PLEKHG7: variants seen among roughly 807,000 people sequenced by gnomAD.
PLEKHG7 encodes pleckstrin homology and RhoGEF domain containing G7, also known as pleckstrin homology domain-containing family G member 7.
PLEKHG7 carries 77 observed loss-of-function variants against 85.2 expected under a neutral mutation model. The ratio of observed to expected loss-of-function variants is 0.90; its 90% confidence interval spans 0.75 to 1.09. The LOEUF (loss-of-function observed/expected upper bound fraction) is 1.09, where lower values mean the gene tolerates loss of function less well. Ranked by LOEUF, PLEKHG7 falls within the 50% of genes least tolerant of loss-of-function variation. PLEKHG7 has a pLI of 0.00. For missense variants in PLEKHG7, 777 were observed against 804.3 expected (o/e 0.97, Z 0.41); for synonymous variants, 301 against 302.4 (o/e 1.00, Z 0.05).
chr12:92,709,550 G>A (rs1455939426), intron 3 of PLEKHG7, among the ~76,000 whole-genome samples: 1 of 152,184 alleles, frequency 6.6e-6, no homozygotes, highest in African/African-American at 2.4e-5. Flanking sequence ...GTATATTTGT[G>A]AGTCTTAAAT....
chr12:92,763,878 T>G (rs1055644680), intron 14 of PLEKHG7, among the ~76,000 whole-genome samples, 163 bp from the exon 15 acceptor site: 2 of 152,114 alleles, frequency 1.3e-5, no homozygotes, highest in Admixed American at 6.5e-5. Context: ...TCACTATGCT[T>G]TGGGGAAATG....
intron 12 of PLEKHG7, 88 bp downstream of exon 12, chr12:92,756,028 C>A: frequency 1.1e-6 from 1 of 888,120 alleles, no homozygotes. Context: ...ATGTCCCCAT[C>A]TGTCCACTTG....
chr12:92,750,817 T>C (rs185314155), intron 10 of PLEKHG7, among the ~76,000 whole-genome samples: 129 of 152,240 alleles, frequency 8.5e-4, no homozygotes, highest in African/African-American at 2.9e-3. Flanking sequence ...CCACAGTCAT[T>C]TGGAGGAGAC....
Position 92,727,108 on chromosome 12 carries a change from A to G in PLEKHG7, c.531-1885A>G, listed in dbSNP as rs76339232. ...TAAGGCTGGAAGAGGTGGTGAGTAGATGTATGGGGAGTTTTTGTCATCACA... is the reference window on the plus strand; with the variant it reads ...TAAGGCTGGAAGAGGTGGTGAGTAGGTGTATGGGGAGTTTTTGTCATCACA... On this transcript the variant is annotated intron_variant, in intron 3 of 16. Coordinates refer to ENST00000344636, the MANE Select transcript of PLEKHG7 (RefSeq NM_001377329.1). Among the ~76,000 whole-genome samples, 516 of 152,220 alleles carry G rather than the reference A, an allele frequency of 3.4e-3. 2 individuals carry two copies. The highest frequency in any genetic ancestry group is 5.6e-3 in the Non-Finnish European group (384 of 68,012).
intron 13 of PLEKHG7, among the ~76,000 whole-genome samples, chr12:92,756,960 G>A (rs1212933136): frequency 2.6e-5 from 4 of 152,338 alleles, no homozygotes; most frequent in African/African-American, 9.6e-5. Flanking sequence ...CCATGGGACT[G>A]GAGGTGGGCT....
intron 15 of PLEKHG7, among the ~76,000 whole-genome samples, chr12:92,764,813 C>T (rs757840613): frequency 4.6e-5 from 7 of 152,052 alleles, no homozygotes; most frequent in Admixed American, 6.6e-5. Flanking sequence ...AAGAAACAGC[C>T]GTTGACCTTG....
chr12:92,761,666 G>C, intron 13 of PLEKHG7, 86 bp from the exon 14 acceptor site: 1 of 1,341,058 alleles, frequency 7.5e-7, no homozygotes. Context: ...AAGAAAGAAA[G>C]AAAGAAAGAA....
At position 92,764,024 on chromosome 12, in the gene PLEKHG7, TTTC is replaced by T. The variant is rs1248753839; in HGVS notation, c.1717-14_1717-12del. On this transcript the variant is annotated splice_polypyrimidine_tract_variant and intron_variant, in intron 14 of 16. Coordinates refer to ENST00000344636, the MANE Select transcript of PLEKHG7 (RefSeq NM_001377329.1). ...TTTATTTCTTGTTTATTGCATTATT[TTTC>T]TTGTTAATTTCAGAAACTTGGAGGC... is the stretch of plus-strand genomic sequence containing the variant. 6.3e-7 allele frequency: 1 copy of T among 1,592,002 alleles called. No homozygotes were observed. Among genetic ancestry groups the T allele is most frequent in the Non-Finnish European group, 8.6e-7 (1 of 1,169,022 alleles).
chr12:92,769,228 C>A, intron 16 of PLEKHG7, 148 bp downstream of exon 16: 1 of 595,472 alleles, frequency 1.7e-6, no homozygotes, highest in Non-Finnish European at 2.9e-6. Flanking sequence ...AGGGGTACAT[C>A]TAGTCCATAT....
At chr12:92,710,219 C>T (rs1871341023) in intron 3 of PLEKHG7, among the ~76,000 whole-genome samples, 1 of 152,178 alleles carries the variant, frequency 6.6e-6, no homozygotes, top group Non-Finnish European at 1.5e-5. Flanking sequence ...ATATTGGATG[C>T]TGATTCAGAG....
chr12:92,768,813 T>C (rs1225502777), intron 15 of PLEKHG7, among the ~76,000 whole-genome samples, 170 bp from the exon 16 acceptor site: 2 of 152,044 alleles, frequency 1.3e-5, no homozygotes, highest in Admixed American at 6.6e-5. Context: ...GGTGGGGTCT[T>C]GGCATTGAAA....
chr12:92,723,320 A>G (rs537896864), intron 3 of PLEKHG7, among the ~76,000 whole-genome samples: 3 of 152,324 alleles, frequency 2.0e-5, no homozygotes, highest in African/African-American at 4.8e-5. Flanking sequence ...CCTAAGGGTG[A>G]TAAGGAAAAT....
chr12:92,750,557 A>G (rs1372012049), intron 10 of PLEKHG7, among the ~76,000 whole-genome samples: 1 of 152,156 alleles, frequency 6.6e-6, no homozygotes, highest in South Asian at 2.1e-4. Flanking sequence ...CAGCAGGGCA[A>G]TTTGGGGCAG....
At chr12:92,737,998 C>A (rs1397293105) in intron 7 of PLEKHG7, among the ~76,000 whole-genome samples, 3 of 152,186 alleles carry the variant, frequency 2.0e-5, no homozygotes, top group Non-Finnish European at 4.4e-5. Context: ...AGCCAGGGAG[C>A]TTACACCCTT....
chr12:92,739,729 G>A (rs1291152659), intron 7 of PLEKHG7, among the ~76,000 whole-genome samples: 1 of 151,858 alleles, frequency 6.6e-6, no homozygotes, highest in Non-Finnish European at 1.5e-5. Context: ...TTTTTAAATA[G>A]CAAAATTTCT....
chr12:92,758,549 A>G (rs564959389), intron 13 of PLEKHG7, among the ~76,000 whole-genome samples: 3 of 152,366 alleles, frequency 2.0e-5, no homozygotes, highest in South Asian at 4.1e-4. Context: ...CATGCATCGC[A>G]TGGGTTCAAA....
rs779164468 is a variant in PLEKHG7, at chr12:92,770,874, G to A, written c.*679G>A. 7 of 152,032 alleles carry A rather than the reference G, an allele frequency of 4.6e-5. No homozygotes were observed. The highest frequency in any genetic ancestry group is 8.8e-5 in the Non-Finnish European group (6 of 67,940). The allele number at this position is 152,032 out of a possible 1,614,324, so 9.4% of individuals were successfully genotyped here. On this transcript the variant is annotated 3_prime_UTR_variant, in exon 17 of 17. Coordinates refer to ENST00000344636, the MANE Select transcript of PLEKHG7 (RefSeq NM_001377329.1). ...CTTTCACCAGTTAACACTTTTGCAT[G>A]GCTTTTCTTGGCCTGTTGTGAAGTG...
Position 92,770,370 on chromosome 12 carries a change from G to T in PLEKHG7, c.*175G>T. ...TCCTCAGTATAGAGGAATAATGACT[G>T]CAACAAATTTGAACTCTGAGGAATT... On this transcript the variant is annotated 3_prime_UTR_variant, in exon 17 of 17. Coordinates refer to ENST00000344636, the MANE Select transcript of PLEKHG7 (RefSeq NM_001377329.1). 1 of 525,752 alleles carries T rather than the reference G, an allele frequency of 1.9e-6. No homozygotes were observed. The highest frequency in any genetic ancestry group is 2.0e-5 in the African/African-American group (1 of 49,480). The allele number at this position is 525,752 out of a possible 1,614,324, so 32.6% of individuals were successfully genotyped here.
chr12:92,741,421 A>C, intron 8 of PLEKHG7, 70 bp from the exon 9 acceptor site: 1 of 949,566 alleles, frequency 1.1e-6, no homozygotes, highest in East Asian at 2.5e-5. Context: ...TGATACTTGA[A>C]GTTCAACAAA....
Sources: gnomAD v4.1 joint callset for allele counts (sites outside exome capture counted in the v4.1 genomes callset) on GRCh38, gnomAD v4.1.1 for gene constraint, MANE v1.5 for transcripts, NCBI Gene and HGNC (gene_info 2026-07-23, HGNC 2026-07-21) for gene names.